AFG2A: variants seen among roughly 807,000 people sequenced by gnomAD.
AFG2A encodes ATPase family gene 2 protein homolog A.
chr4:123,007,608 G>GTGTATATATATA, the AFG2A span, among the ~76,000 whole-genome samples: 1 of 18,144 alleles, frequency 5.5e-5, no homozygotes, highest in African/African-American at 1.8e-4. Flanking sequence ...GTGTGTGTGT[G>GTGTATATATATA]TATATATATA....
At chr4:122,959,297 A>G in the AFG2A span, among the ~76,000 whole-genome samples, 2 of 152,222 alleles carry the variant, frequency 1.3e-5, no homozygotes, top group Non-Finnish European at 1.5e-5. Flanking sequence ...CTTCCAAACT[A>G]TCATTTAACT....
the AFG2A span, among the ~76,000 whole-genome samples, chr4:122,966,013 A>G: frequency 1.3e-5 from 2 of 152,216 alleles, no homozygotes; most frequent in Non-Finnish European, 2.9e-5. Context: ...GAGCTAGTTA[A>G]TGGCAGACCT....
At chr4:123,156,355 C>T in the AFG2A span, among the ~76,000 whole-genome samples, 22 of 152,208 alleles carry the variant, frequency 1.4e-4, no homozygotes, top group Non-Finnish European at 2.8e-4. Context: ...ACATTACGTA[C>T]GTAACCCTTC....
At chr4:123,136,617 T>A in the AFG2A span, among the ~76,000 whole-genome samples, 1 of 151,268 alleles carries the variant, frequency 6.6e-6, no homozygotes, top group Admixed American at 6.6e-5. Flanking sequence ...GAGCTTGCAG[T>A]GAGCCGAGAT....
At chr4:123,086,902 C>A in the AFG2A span, among the ~76,000 whole-genome samples, 2 of 152,150 alleles carry the variant, frequency 1.3e-5, no homozygotes, top group South Asian at 2.1e-4. Flanking sequence ...TATAGCATTT[C>A]TTTTTGATTC....
the AFG2A span, among the ~76,000 whole-genome samples, chr4:123,130,065 G>C: frequency 6.6e-6 from 1 of 152,072 alleles, no homozygotes; most frequent in East Asian, 1.9e-4. Flanking sequence ...CTGAAGAGCA[G>C]TGGTGCAATC....
the AFG2A span, among the ~76,000 whole-genome samples, chr4:123,024,966 T>C: frequency 6.6e-6 from 1 of 152,120 alleles, no homozygotes; most frequent in African/African-American, 2.4e-5. Context: ...AGAACCTTTT[T>C]TCTTGGAAGG....
At chr4:123,006,210 A>G in the AFG2A span, among the ~76,000 whole-genome samples, 1 of 151,626 alleles carries the variant, frequency 6.6e-6, no homozygotes. Context: ...GTGTTCTTTA[A>G]TGGTTTTGCT....
chr4:123,166,145 C>G, the AFG2A span, among the ~76,000 whole-genome samples: 2 of 152,058 alleles, frequency 1.3e-5, no homozygotes, highest in South Asian at 2.1e-4. Context: ...AGTATTGACC[C>G]TGAGTGTGTC....
At chr4:123,060,375 C>T in the AFG2A span, among the ~76,000 whole-genome samples, 3 of 152,234 alleles carry the variant, frequency 2.0e-5, no homozygotes, top group African/African-American at 2.4e-5. Flanking sequence ...AAGGGCCCTG[C>T]CCCTGCAGCA....
At chr4:122,946,318 C>G in the AFG2A span, among the ~76,000 whole-genome samples, 2 of 152,234 alleles carry the variant, frequency 1.3e-5, no homozygotes, top group East Asian at 3.8e-4. Context: ...GTCTCTTTCT[C>G]TGCCACTGGG....
the AFG2A span, among the ~76,000 whole-genome samples, chr4:123,130,464 G>T: frequency 1.3e-5 from 2 of 152,168 alleles, no homozygotes; most frequent in Non-Finnish European, 1.5e-5. Context: ...GGCAACTACT[G>T]ATCTGTCCTG....
At chr4:123,007,608 G>GTGTGTATATATATATA in the AFG2A span, among the ~76,000 whole-genome samples, 1 of 18,144 alleles carries the variant, frequency 5.5e-5, no homozygotes, top group African/African-American at 1.8e-4. Flanking sequence ...GTGTGTGTGT[G>GTGTGTATATATATATA]TATATATATA....
the AFG2A span, among the ~76,000 whole-genome samples, chr4:123,240,324 T>C: frequency 6.6e-6 from 1 of 152,178 alleles, no homozygotes; most frequent in East Asian, 1.9e-4. Context: ...CAACAGAATA[T>C]ACATTCTTCT....
At chr4:122,975,726 G>C in the AFG2A span, among the ~76,000 whole-genome samples, 1 of 152,038 alleles carries the variant, frequency 6.6e-6, no homozygotes, top group African/African-American at 2.4e-5. Flanking sequence ...GCTTTGGAGA[G>C]AGACACTTTC....
the AFG2A span, among the ~76,000 whole-genome samples, chr4:123,002,986 T>G: frequency 3.3e-5 from 5 of 152,190 alleles, no homozygotes; most frequent in Non-Finnish European, 4.4e-5. Flanking sequence ...CCATATTTCT[T>G]GGAGGCTTTG....
At chr4:123,236,997 A>G in the AFG2A span, among the ~76,000 whole-genome samples, 1 of 152,242 alleles carries the variant, frequency 6.6e-6, no homozygotes, top group Non-Finnish European at 1.5e-5. Context: ...AAGGAGGTGG[A>G]GGTAACCTAG....
chr4:123,012,959 G>A, the AFG2A span, among the ~76,000 whole-genome samples: 2 of 152,168 alleles, frequency 1.3e-5, no homozygotes, highest in Admixed American at 1.3e-4. Flanking sequence ...TTTCACTCGT[G>A]TCTGTGTGAA....
the AFG2A span, among the ~76,000 whole-genome samples, chr4:123,015,369 A>T: frequency 1.3e-5 from 2 of 151,782 alleles, no homozygotes; most frequent in Non-Finnish European, 2.9e-5. Flanking sequence ...ACTTGAGATT[A>T]GGGAGTGGTG....
Sources: allele counts gnomAD v4.1 joint callset (sites outside exome capture counted in the v4.1 genomes callset), GRCh38; gene constraint gnomAD v4.1.1; transcripts MANE v1.5; gene names NCBI Gene and HGNC (gene_info 2026-07-23, HGNC 2026-07-21).